Variants in ZNF48 observed in about 807,000 individuals in gnomAD.
The protein encoded by ZNF48 is zinc finger protein 48.
ZNF48 carries 20 observed loss-of-function variants against 40.0 expected under a neutral mutation model. That is an observed-to-expected ratio of 0.50 (90% CI 0.35 to 0.73). ZNF48 has a LOEUF of 0.73. ZNF48 is among the 30% of genes least tolerant of loss of function. The pLI is 0.01. For missense variants in ZNF48, 726 were observed against 851.9 expected, an observed-to-expected ratio of 0.85 and a Z score of 1.84; for synonymous variants, 298 against 329.7, an observed-to-expected ratio of 0.90 and a Z score of 1.04.
Position 30,400,067 on chromosome 16 carries a change from T to G in ZNF48, c.*960T>G, listed in dbSNP as rs2050037630. 6.6e-6 allele frequency: 1 copy of G among 152,258 alleles called. No homozygotes were observed. Among genetic ancestry groups the G allele is most frequent in the East Asian group, 1.9e-4 (1 of 5,202 alleles). The allele number at this position is 152,258 out of a possible 1,614,324, so 9.4% of individuals were successfully genotyped here. ...AGACTGTAAATTTTGTGTGCTTCCCTTGCTCTCTGAGCCCATTAAATAAAG... is the reference window on the plus strand; with the variant it reads ...AGACTGTAAATTTTGTGTGCTTCCCGTGCTCTCTGAGCCCATTAAATAAAG... On this transcript the variant is annotated 3_prime_UTR_variant, in exon 3 of 3. Coordinates refer to ENST00000613509, the MANE Select transcript of ZNF48 (RefSeq NM_001214909.2).
chr16:30,379,173 T>G (rs1555499340), intron 1 of ZNF48: 1 of 1,614,068 alleles, frequency 6.2e-7, no homozygotes, highest in South Asian at 1.1e-5. Context: ...CGCAGTGATG[T>G]GGGTTCTCCA....
At chr16:30,383,257 C>G (rs377415169) in intron 1 of ZNF48, among the ~76,000 whole-genome samples, 1 of 152,160 alleles carries the variant, frequency 6.6e-6, no homozygotes, top group African/African-American at 2.4e-5. Context: ...GGCGCCATCT[C>G]GGCTCACTGC....
In ZNF48 at chr16:30,381,645, C is replaced by T. The variant is rs953678269; in HGVS notation, c.-16+3235C>T. On this transcript the variant is annotated intron_variant, in intron 1 of 2. Transcript: ENST00000528032. The surrounding 1 kb of genome is among the most constrained non-coding windows in gnomAD (Gnocchi z 4.3). Reference sequence around the variant, plus strand: ...CAAGAAGCACAGGGACCCAGTGGCCCTCTGAAACAGACACCACCTTTTGAG... The same window carrying T: ...CAAGAAGCACAGGGACCCAGTGGCCTTCTGAAACAGACACCACCTTTTGAG... 6.6e-7 allele frequency: 1 copy of T among 1,525,356 alleles called. No individual in the cohort carries two copies. The highest frequency in any genetic ancestry group is 1.9e-5 in the Admixed American group (1 of 52,834). 94.5% of individuals were successfully genotyped at this position (1,525,356 alleles called of 1,614,324 possible).
chr16:30,388,626 C>T (rs80336044), intron 1 of ZNF48, among the ~76,000 whole-genome samples: 1 of 152,254 alleles, frequency 6.6e-6, no homozygotes. Context: ...CGGTGGCTCA[C>T]GCCTGTAATC....
intron 1 of ZNF48, among the ~76,000 whole-genome samples, chr16:30,389,816 GTTTTTTTTTTTTTTTTTTTTTT>G (rs56373430): frequency 0.032 from 713 of 22,512 alleles, 28 homozygotes; most frequent in Middle Eastern, 0.25. Flanking sequence ...ATTTGGATTA[GTTTTTTTTTTTTTTTTTTTTTT>G]TTTTTTTTTT....
Position 30,381,810 on chromosome 16 carries a change from C to G in ZNF48, c.-16+3400C>G. On this transcript the variant is annotated intron_variant, in intron 1 of 2. Transcript: ENST00000528032. This position sits in a 1 kb window ranked among gnomAD's most constrained non-coding sequence, Gnocchi z 4.3. ...CAAAGCCAGGTGTGTCCACAAGGGT[C>G]AGCTTCACTTTCACACCCCCTTCCT... 1 of 1,614,178 alleles carries G rather than the reference C, an allele frequency of 6.2e-7. No homozygotes were observed. The highest frequency in any genetic ancestry group is 8.5e-7 in the Non-Finnish European group (1 of 1,180,026).
chr16:30,388,505 C>T (rs1042720727), intron 1 of ZNF48, among the ~76,000 whole-genome samples: 9 of 152,130 alleles, frequency 5.9e-5, no homozygotes, highest in Non-Finnish European at 1.3e-4. Flanking sequence ...AGCCACTGCA[C>T]CCGGCCCAGG....
intron 1 of ZNF48, chr16:30,380,130 G>T: frequency 1.0e-6 from 1 of 953,768 alleles, no homozygotes; most frequent in East Asian, 2.9e-5. Flanking sequence ...TGGGTGGTCA[G>T]AGACAGAGAG....
At chr16:30,379,266 TCCTG>T (rs2049804411) in intron 1 of ZNF48, 1 of 1,551,966 alleles carries the variant, frequency 6.4e-7, no homozygotes, top group Non-Finnish European at 8.8e-7. Flanking sequence ...TACAGGAAAG[TCCTG>T]CTGCCACTCT....
Position 30,398,367 on chromosome 16 carries a change from A to G in ZNF48, c.1117A>G (p.Thr373Ala). Residue 373 changes from threonine to alanine, a missense_variant, in exon 3 of 3, where the codon ACC (threonine) becomes GCC (alanine). Physicochemically the swap from Thr to Ala is moderately conservative, Grantham distance 58. This residue lies in a region of ZNF48 where 378 missense variants were observed against 449.1 expected (regional missense o/e 0.84). Transcript: ENST00000613509. This position sits in a 1 kb window ranked among gnomAD's most constrained non-coding sequence, Gnocchi z 6.6. ...ECDRTFSLSSTLLRHRLTHME... is the reference protein window; with the variant it reads ...ECDRTFSLSSALLRHRLTHME... Reference sequence around the variant, plus strand: ...CGACCGTACCTTCAGCCTCAGCTCCACCCTTCTTCGCCACCGCCTCACTCA... The same window carrying G: ...CGACCGTACCTTCAGCCTCAGCTCCGCCCTTCTTCGCCACCGCCTCACTCA... The G allele has an allele frequency of 5.6e-6, 9 of 1,612,340 alleles. No individual in the cohort carries two copies. The highest frequency in any genetic ancestry group is 7.6e-6 in the Non-Finnish European group (9 of 1,179,468).
upstream of ZNF48, among the ~76,000 whole-genome samples, chr16:30,393,090 T>C (rs554633354): frequency 1.4e-4 from 22 of 152,238 alleles, no homozygotes; most frequent in Admixed American, 4.6e-4. Flanking sequence ...TTTTTTTTTT[T>C]CTTGAGATGA....
At chr16:30,378,329 G>T (rs925878511) in exon 1 of ZNF48, 13 of 1,125,688 alleles carry the variant, frequency 1.2e-5, no homozygotes, top group Non-Finnish European at 1.5e-5. Context: ...GCGCGAGGGC[G>T]GCACCCGCGG....
At chr16:30,379,005 C>T (rs2049798407) in intron 1 of ZNF48, 1 of 1,610,882 alleles carries the variant, frequency 6.2e-7, no homozygotes, top group African/African-American at 1.3e-5. Context: ...ATACTGTCCG[C>T]CCCGGGTCTC....
chr16:30,381,469 G>A lies in ZNF48; in HGVS notation c.-16+3059G>A, dbSNP rs2049848166. 3 of 1,614,110 alleles carry A rather than the reference G, an allele frequency of 1.9e-6. No homozygotes were observed. Among genetic ancestry groups the A allele is most frequent in the Non-Finnish European group, 2.5e-6 (3 of 1,180,020 alleles). ...TCCTCGATGAATTTCACCACCGGAA[G>A]CCAGCTGGGTGTGGGGAGAGGATGT... On this transcript the variant is annotated intron_variant, in intron 1 of 2. Transcript: ENST00000528032. The surrounding 1 kb of genome is among the most constrained non-coding windows in gnomAD (Gnocchi z 4.3).
At chr16:30,385,981 A>G (rs1049707890) in intron 1 of ZNF48, among the ~76,000 whole-genome samples, 11 of 152,164 alleles carry the variant, frequency 7.2e-5, no homozygotes, top group Non-Finnish European at 1.3e-4. Flanking sequence ...TAAATAAAAA[A>G]GAGGATAACA....
Position 30,398,412 on chromosome 16 carries a change from A to G in ZNF48, c.1162A>G (p.Ser388Gly), listed in dbSNP as rs201776130. The change falls in exon 3 of 3, where the codon AGC becomes GGC. Residue 388 changes from serine to glycine, a missense_variant. Transcript: ENST00000613509. This position sits in a 1 kb window ranked among gnomAD's most constrained non-coding sequence, Gnocchi z 6.6. ...CACTCACATGGAGCCCCAGGACTTC[A>G]GCTTCCCAGGCTATCCCCTACCCGC... is the stretch of plus-strand genomic sequence containing the variant. ...RLTHMEPQDFSFPGYPLPALI... is the reference protein window; with the variant it reads ...RLTHMEPQDFGFPGYPLPALI... The G allele has an allele frequency of 1.9e-5, 30 of 1,608,642 alleles. No individual in the cohort carries two copies. Among genetic ancestry groups the G allele is most frequent in the Non-Finnish European group, 2.6e-5 (30 of 1,176,366 alleles).
chr16:30,378,712 T>C (rs773118369), intron 1 of ZNF48: 1 of 1,598,390 alleles, frequency 6.3e-7, no homozygotes, highest in Admixed American at 1.7e-5. Flanking sequence ...TGCGGGACAG[T>C]GGGAAGGGGA....
chr16:30,397,740 G>C lies in ZNF48; in HGVS notation c.490G>C (p.Gly164Arg). Residue 164 changes from glycine (G) to arginine (R), a missense_variant, in exon 3 of 3, where the codon GGG becomes CGG. Gly to Arg is a moderately radical substitution (Grantham distance 125). Around this residue, in one of 5 missense-constraint regions of ZNF48, gnomAD observed 378 missense variants for 449.1 expected, o/e 0.84. Transcript: ENST00000613509. The surrounding 1 kb of genome is among the most constrained non-coding windows in gnomAD (Gnocchi z 4.1). Reference protein sequence around the residue: ...ARIKHQRTHSGEKPYRARPPA... With the variant: ...ARIKHQRTHSREKPYRARPPA... ...GATCAAACACCAGCGGACTCATAGT[G>C]GGGAGAAGCCCTATAGAGCCCGGCC... 1.2e-6 allele frequency: 2 copies of C among 1,613,928 alleles called. No individual in the cohort carries two copies. The highest frequency in any genetic ancestry group is 1.7e-6 in the Non-Finnish European group (2 of 1,180,002).
At chr16:30,380,787 A>G (rs1266227028) in intron 1 of ZNF48, 2 of 305,568 alleles carry the variant, frequency 6.5e-6, no homozygotes, top group Non-Finnish European at 1.2e-5. Flanking sequence ...AAAGAGAGAG[A>G]AAGAGAGGCC....
Sources: gnomAD v4.1 joint callset for allele counts (sites outside exome capture counted in the v4.1 genomes callset) on GRCh38, gnomAD v4.1.1 for gene constraint, gnomAD v4.1.1 regional missense constraint, Gnocchi (gnomAD v3.1) non-coding constraint, MANE v1.5 for transcripts, NCBI Gene and HGNC (gene_info 2026-07-23, HGNC 2026-07-21) for gene names.